The following DPP4 variants were observed in gnomAD, a reference collection of about 807,000 sequenced individuals.
DPP4 encodes dipeptidyl peptidase 4.
Under a neutral mutation model 122.4 loss-of-function variants are expected in DPP4, and 93 were observed. That is an observed-to-expected ratio of 0.76 (90% CI 0.64 to 0.90). The LOEUF is 0.90. DPP4 is among the 40% of genes least tolerant of loss of function. The probability of loss-of-function intolerance (pLI) is 0.00; values close to 1 mark genes in which losing one functional copy is unlikely to be tolerated. For missense variants in DPP4, 914 were observed against 907.3 expected (o/e 1.01, Z -0.09); for synonymous variants, 321 against 302.9 (o/e 1.06, Z -0.62).
chr2:162,029,459 T>C (rs924369762), intron 10 of DPP4, among the ~76,000 whole-genome samples: 6 of 152,100 alleles, frequency 3.9e-5, no homozygotes, highest in African/African-American at 1.2e-4. Flanking sequence ...CGCTGACAAA[T>C]CCCTCAGGAG....
Position 161,994,995 on chromosome 2 carries a change from G to T in DPP4, c.2165C>A (p.Ala722Asp). 1 of 1,614,068 alleles carries T rather than the reference G, an allele frequency of 6.2e-7. No homozygotes were observed. Among genetic ancestry groups the T allele is most frequent in the African/African-American group, 1.3e-5 (1 of 75,012 alleles). ...GAAATCCACTCCAACATCGACCAGG[G>T]CTTTGGAGATCTGAGCTGACTGCTG... Reference protein sequence around the residue: ...HFQQSAQISKALVDVGVDFQA... With the variant: ...HFQQSAQISKDLVDVGVDFQA... The change falls in exon 25 of 26, where the codon GCC becomes GAC. Residue 722 changes from alanine to aspartate, a missense_variant. Physicochemically the swap from Ala to Asp is moderately radical, Grantham distance 126. Transcript: ENST00000360534.
chr2:161,996,809 G>T (rs1445965139), intron 23 of DPP4, among the ~76,000 whole-genome samples: 1 of 152,068 alleles, frequency 6.6e-6, no homozygotes, highest in African/African-American at 2.4e-5. Flanking sequence ...ATGTATATAT[G>T]TAGAGGAAAA....
intron 12 of DPP4, among the ~76,000 whole-genome samples, chr2:162,022,067 G>A (rs1400380188): frequency 6.6e-6 from 1 of 152,160 alleles, no homozygotes; most frequent in Non-Finnish European, 1.5e-5. Context: ...TAAAAATTAA[G>A]TGAGATTCAT....
chr2:161,993,126 A>G lies in DPP4; in HGVS notation c.*157T>C. On this transcript the variant is annotated 3_prime_UTR_variant, in exon 26 of 26. Coordinates refer to ENST00000360534, the MANE Select transcript of DPP4 (RefSeq NM_001935.4). ...TTGTGAAGACAGAAGTCCCTACTTA[A>G]GATGATAGGTATGAAATTTGGGAAC... is the stretch of plus-strand genomic sequence containing the variant. 3 of 589,594 alleles carry G rather than the reference A, an allele frequency of 5.1e-6. No individual in the cohort carries two copies. The highest frequency in any genetic ancestry group is 9.1e-6 in the Non-Finnish European group (3 of 329,476). 36.5% of individuals were successfully genotyped at this position (589,594 alleles called of 1,614,324 possible).
intron 14 of DPP4, 97 bp downstream of exon 14, chr2:162,020,132 A>T: frequency 2.0e-6 from 2 of 1,006,744 alleles, no homozygotes; most frequent in Non-Finnish European, 3.0e-6. Context: ...CAAAAAGACT[A>T]CTCTTTATTT....
intron 4 of DPP4, 81 bp from the exon 5 acceptor site, chr2:162,045,693 T>A: frequency 1.0e-6 from 1 of 992,828 alleles, no homozygotes. Context: ...TAGGGGGTAC[T>A]GTTCTAGACA....
At chr2:161,993,690 C>T (rs1048193243) in intron 25 of DPP4, among the ~76,000 whole-genome samples, 2 of 152,120 alleles carry the variant, frequency 1.3e-5, no homozygotes, top group African/African-American at 4.8e-5. Flanking sequence ...TTAATTAAAA[C>T]ACCCAATCCA....
intron 2 of DPP4, among the ~76,000 whole-genome samples, chr2:162,067,360 A>G (rs1255818936): frequency 6.6e-6 from 1 of 152,090 alleles, no homozygotes; most frequent in Non-Finnish European, 1.5e-5. Flanking sequence ...GAAGGGGTGG[A>G]TGATAAGACC....
At chr2:162,067,712 C>T (rs978079337) in intron 2 of DPP4, among the ~76,000 whole-genome samples, 8 of 152,164 alleles carry the variant, frequency 5.3e-5, no homozygotes, top group African/African-American at 1.9e-4. Flanking sequence ...AGGTTACTCT[C>T]AAATTGAGAG....
Position 162,074,094 on chromosome 2 carries a change from C to T in DPP4, c.-113G>A. On this transcript the variant is annotated 5_prime_UTR_variant, in exon 1 of 26. Coordinates refer to ENST00000360534, the MANE Select transcript of DPP4 (RefSeq NM_001935.4). Reference sequence around the variant, plus strand: ...TGCTCCGGGCGGTGGAGTCACTCGCCGCTGGCAAGTTTCGGCCCCGAGTTA... The same window carrying T: ...TGCTCCGGGCGGTGGAGTCACTCGCTGCTGGCAAGTTTCGGCCCCGAGTTA... The T allele has an allele frequency of 4.0e-6, 6 of 1,482,928 alleles. No homozygotes were observed. The highest frequency in any genetic ancestry group is 2.5e-5 in the East Asian group (1 of 39,634). The allele number at this position is 1,482,928 out of a possible 1,614,324, so 91.9% of individuals were successfully genotyped here.
chr2:162,021,733 C>T (rs1333314880), intron 12 of DPP4: 2 of 152,124 alleles, frequency 1.3e-5, no homozygotes, highest in Admixed American at 6.5e-5. Context: ...TGGAGTTGTG[C>T]CTAGTAGAAA....
intron 25 of DPP4, 115 bp downstream of exon 25, chr2:161,994,846 A>C (rs937532869): frequency 3.5e-4 from 346 of 975,866 alleles, no homozygotes; most frequent in Non-Finnish European, 1.0e-4. Context: ...TGAAAAAAAA[A>C]TTTTTAATGT....
chr2:162,011,542 C>A, intron 20 of DPP4, among the ~76,000 whole-genome samples: 1 of 152,006 alleles, frequency 6.6e-6, no homozygotes, highest in East Asian at 1.9e-4. Context: ...AGGACATATG[C>A]CAACTCCCTT....
At chr2:162,011,118 T>G (rs1333331560) in intron 20 of DPP4, among the ~76,000 whole-genome samples, 1 of 152,130 alleles carries the variant, frequency 6.6e-6, no homozygotes, top group African/African-American at 2.4e-5. Context: ...TCAGCGACAA[T>G]GCCTGCAGGT....
rs201556961 is a variant in DPP4, at chr2:161,995,389, G to T, written c.2053-17C>A. 49 of 1,605,434 alleles carry T rather than the reference G, an allele frequency of 3.1e-5. No homozygotes were observed. Among genetic ancestry groups the T allele is most frequent in the Non-Finnish European group, 4.0e-5 (47 of 1,172,518 alleles). ...TGTTGAATTCTGGAATTGGGAGAAA[G>T]AATGTCATTATTCAAAAAAGGATCT... On this transcript the variant is annotated splice_polypyrimidine_tract_variant and intron_variant, in intron 23 of 25. Transcript: ENST00000360534.
chr2:162,015,890 A>C (rs911970958), intron 18 of DPP4, among the ~76,000 whole-genome samples: 1 of 152,180 alleles, frequency 6.6e-6, no homozygotes, highest in African/African-American at 2.4e-5. Flanking sequence ...CTCAAGGGTA[A>C]GCAGCACTAG....
At chr2:162,033,059 TCTC>T (rs1357813435) in intron 10 of DPP4, among the ~76,000 whole-genome samples, 2 of 152,084 alleles carry the variant, frequency 1.3e-5, no homozygotes, top group East Asian at 3.9e-4. Context: ...CCCAAGCACA[TCTC>T]CTCTGCAGGG....
intron 10 of DPP4, among the ~76,000 whole-genome samples, chr2:162,029,475 T>C (rs1351007653): frequency 1.3e-5 from 2 of 152,154 alleles, no homozygotes; most frequent in Non-Finnish European, 2.9e-5. Flanking sequence ...AGGAGAGGAA[T>C]GGGTGGGATG....
At chr2:161,997,147 C>A (rs1298175232) in intron 23 of DPP4, among the ~76,000 whole-genome samples, 3 of 152,222 alleles carry the variant, frequency 2.0e-5, no homozygotes, top group Non-Finnish European at 4.4e-5. Context: ...CTCTTCTGTG[C>A]AGGCTGGTTC....
Sources: gnomAD v4.1 joint callset for allele counts (sites outside exome capture counted in the v4.1 genomes callset) on GRCh38, gnomAD v4.1.1 for gene constraint, MANE v1.5 for transcripts, NCBI Gene and HGNC (gene_info 2026-07-23, HGNC 2026-07-21) for gene names.